Variants in PCYOX1 observed in about 807,000 individuals in gnomAD.
PCYOX1 encodes prenylcysteine oxidase 1, also known as prenylcysteine lyase.
Under a neutral mutation model 46.4 loss-of-function variants are expected in PCYOX1, and 46 were observed. The ratio of observed to expected loss-of-function variants is 0.99; its 90% CI spans 0.78 to 1.27. The LOEUF (loss-of-function observed/expected upper bound fraction) is 1.27. Among genes scored for constraint, PCYOX1 ranks in the 50% most tolerant of loss-of-function variants. The probability of loss-of-function intolerance (pLI) is 0.00; values close to 1 mark genes in which losing one functional copy is unlikely to be tolerated. For synonymous variants in PCYOX1, 220 were observed against 231.8 expected (o/e 0.95, Z 0.46); for missense variants, 658 against 628.3 (o/e 1.05, Z -0.51).
intron 3 of PCYOX1, among the ~76,000 whole-genome samples, chr2:70,267,764 CAGAGGGAGACCGTGG>C (rs1284084122): frequency 6.9e-6 from 1 of 144,424 alleles, no homozygotes; most frequent in Non-Finnish European, 1.5e-5. Context: ...GGCTCGGCAT[CAGAGGGAGACCGTGG>C]AGAGGGAGAG....
In PCYOX1 at chr2:70,279,057, C is replaced by G. The variant is rs1369995324; in HGVS notation, c.*1665C>G. ...AGGCTGCAGTGAATCATGATCATGCCACTGTACTCCAGCCTGGGCAACAGA... is the reference window on the plus strand; with the variant it reads ...AGGCTGCAGTGAATCATGATCATGCGACTGTACTCCAGCCTGGGCAACAGA... On this transcript the variant is annotated 3_prime_UTR_variant, in exon 6 of 6. Transcript: ENST00000433351. 6.6e-6 allele frequency: 1 copy of G among 151,502 alleles called. No homozygotes were observed. Among genetic ancestry groups the G allele is most frequent in the Non-Finnish European group, 1.5e-5 (1 of 67,928 alleles). 9.4% of individuals were successfully genotyped at this position (151,502 alleles called of 1,614,324 possible).
At position 70,269,663 on chromosome 2, in the gene PCYOX1, C is replaced by T. The variant is rs185131698; in HGVS notation, c.495-5296C>T. Among the ~76,000 whole-genome samples the T allele has an allele frequency of 6.7e-3, 1,022 of 152,078 alleles. 12 individuals carry two copies. The highest frequency in any genetic ancestry group is 0.022 in the African/African-American group (929 of 41,502). Reference sequence around the variant, plus strand: ...TTTTTAAAAAGTTTTTTTGGTCAGCCTCTTGTAGTCTCTATTGATGTCATA... The same window carrying T: ...TTTTTAAAAAGTTTTTTTGGTCAGCTTCTTGTAGTCTCTATTGATGTCATA... On this transcript the variant is annotated intron_variant, in intron 3 of 5. Coordinates refer to ENST00000433351, the MANE Select transcript of PCYOX1 (RefSeq NM_016297.4).
At chr2:70,275,265 C>A in intron 4 of PCYOX1, 95 bp downstream of exon 4, 1 of 1,095,656 alleles carries the variant, frequency 9.1e-7, no homozygotes, top group Non-Finnish European at 1.4e-6. Flanking sequence ...GGATTGGAGG[C>A]TACTTTTCTC....
intron 3 of PCYOX1, among the ~76,000 whole-genome samples, chr2:70,267,156 G>A (rs1453499154): frequency 4.0e-5 from 6 of 151,834 alleles, no homozygotes; most frequent in African/African-American, 4.8e-5. Flanking sequence ...AGACGGCGTC[G>A]CGGCCGGGCA....
Position 70,277,209 on chromosome 2 carries a change from C to A in PCYOX1, c.1335C>A (p.Cys445Ter). 6.2e-7 allele frequency: 1 copy of A among 1,614,020 alleles called. No homozygotes were observed. The highest frequency in any genetic ancestry group is 8.5e-7 in the Non-Finnish European group (1 of 1,179,956). Residue 445 changes from cysteine to a stop codon, truncating the protein, a stop_gained, in exon 6 of 6, where the codon TGC becomes TGA. Transcript: ENST00000433351. LOFTEE classifies it high-confidence loss of function. ...AYPHYKPPEK[C>*]PSIILHDRLY... ...CTCACTATAAGCCCCCGGAGAAATGCCCCTCTATCATTCTCCATGATCGAC... is the reference window on the plus strand; with the variant it reads ...CTCACTATAAGCCCCCGGAGAAATGACCCTCTATCATTCTCCATGATCGAC...
intron 3 of PCYOX1, among the ~76,000 whole-genome samples, chr2:70,266,157 A>G (rs184441250): frequency 6.6e-6 from 1 of 152,186 alleles, no homozygotes; most frequent in Non-Finnish European, 1.5e-5. Flanking sequence ...GACGTTGCAG[A>G]TATGGTTAAG....
intron 4 of PCYOX1, 43 bp downstream of exon 4, chr2:70,275,213 G>T: frequency 1.4e-6 from 2 of 1,450,474 alleles, no homozygotes; most frequent in South Asian, 1.1e-5. Flanking sequence ...AGTTCACAGA[G>T]GGGCTTACCT....
rs531844189 is a variant in PCYOX1, at chr2:70,261,534, G to A, written c.494+148G>A. ...ACATTGTTAGGCAAAATGTTTTGTA[G>A]AAACTATGCAGACTATTTGCTTGGA... On this transcript the variant is annotated intron_variant, in intron 3 of 5. Transcript: ENST00000433351. The A allele has an allele frequency of 6.8e-4, 417 of 615,818 alleles. 2 individuals are homozygous for A. In the African/African-American group the frequency reaches 7.4e-3, roughly 11 times the overall value. 38.1% of individuals were successfully genotyped at this position (615,818 alleles called of 1,614,324 possible). A position where few individuals can be genotyped will look rare whatever the true frequency, so the allele number is the denominator to read the frequency against.
Position 70,275,597 on chromosome 2 carries a change from G to A in PCYOX1, c.790G>A (p.Ala264Thr), listed in dbSNP as rs201051458. The change falls in exon 5 of 6, where the codon GCA becomes ACA. Residue 264 changes from alanine (A) to threonine (T), a missense_variant. Coordinates refer to ENST00000433351, the MANE Select transcript of PCYOX1 (RefSeq NM_016297.4). ...NKLVCSGLLQ[A>T]SKSNLISGSV... ...ACTTGTTTGCTCAGGGCTTCTGCAG[G>A]CATCCAAAAGCAATCTTATATCTGG... is the stretch of plus-strand genomic sequence containing the variant. The A allele has an allele frequency of 3.5e-5, 57 of 1,613,970 alleles. No individual in the cohort carries two copies. In the African/African-American group the frequency reaches 6.4e-4, roughly 18 times the overall value.
chr2:70,275,839 C>T (rs1033207259), intron 5 of PCYOX1, among the ~76,000 whole-genome samples, 173 bp downstream of exon 5: 1 of 152,058 alleles, frequency 6.6e-6, no homozygotes, highest in South Asian at 2.1e-4. Context: ...TGGCTCATGC[C>T]TGTAATCCCT....
intron 3 of PCYOX1, among the ~76,000 whole-genome samples, chr2:70,265,438 A>C (rs1242384423): frequency 6.6e-6 from 1 of 151,636 alleles, no homozygotes; most frequent in Non-Finnish European, 1.5e-5. Context: ...TGATCCTCCC[A>C]CCTTGGCCTC....
intron 3 of PCYOX1, among the ~76,000 whole-genome samples, chr2:70,267,555 A>G (rs1007764257): frequency 2.6e-5 from 4 of 152,128 alleles, no homozygotes; most frequent in Non-Finnish European, 5.9e-5. Flanking sequence ...CGGGAGGCCG[A>G]GGCTGGCAGA....
chr2:70,259,491 G>C lies in PCYOX1; in HGVS notation c.244G>C (p.Gly82Arg), dbSNP rs776561529. 2.5e-6 allele frequency: 4 copies of C among 1,614,106 alleles called. No homozygotes were observed. Among genetic ancestry groups the C allele is most frequent in the Non-Finnish European group, 3.4e-6 (4 of 1,180,014 alleles). ...GGRLATMMVQ[G>R]QEYEAGGSVI... Reference sequence around the variant, plus strand: ...CCGCCTGGCTACCATGATGGTGCAGGGGCAAGAATACGAGGCAGGAGGTTC... The same window carrying C: ...CCGCCTGGCTACCATGATGGTGCAGCGGCAAGAATACGAGGCAGGAGGTTC... Residue 82 changes from glycine to arginine, a missense_variant, in exon 2 of 6, where the codon GGG becomes CGG. Gly to Arg is a moderately radical substitution (Grantham distance 125). Coordinates refer to ENST00000433351, the MANE Select transcript of PCYOX1 (RefSeq NM_016297.4).
chr2:70,262,798 G>T (rs565398764), intron 3 of PCYOX1, among the ~76,000 whole-genome samples: 1 of 152,146 alleles, frequency 6.6e-6, no homozygotes, highest in Non-Finnish European at 1.5e-5. Flanking sequence ...TAATTTTTAT[G>T]CTGCTTTACA....
intron 3 of PCYOX1, among the ~76,000 whole-genome samples, chr2:70,269,179 G>GTTT (rs200396144): frequency 3.9e-5 from 5 of 128,282 alleles, no homozygotes; most frequent in Admixed American, 7.8e-5. Context: ...CTGTGTGTCT[G>GTTT]TTTTTTTTTT....
intron 3 of PCYOX1, among the ~76,000 whole-genome samples, chr2:70,271,909 T>TC (rs1559036622): frequency 6.6e-6 from 1 of 151,478 alleles, no homozygotes; most frequent in African/African-American, 2.4e-5. Context: ...TATTTCAAAA[T>TC]AAAAAAAAAG....
Position 70,268,130 on chromosome 2 carries a change from C to A in PCYOX1, c.494+6744C>A, listed in dbSNP as rs547936809. 9.9e-5 allele frequency among the ~76,000 whole-genome samples: 15 copies of A among 152,194 alleles called. No individual in the cohort carries two copies. The Middle Eastern group carries it at 0.017, about 173-fold the overall frequency. ...GGCCGTAAATTTGTGTTGTTTTAAG[C>A]CACTAAGTTTGTGGTAATTTGTTAT... On this transcript the variant is annotated intron_variant, in intron 3 of 5. Coordinates refer to ENST00000433351, the MANE Select transcript of PCYOX1 (RefSeq NM_016297.4).
In PCYOX1 at chr2:70,268,104, C is replaced by T. The variant is rs376136273; in HGVS notation, c.494+6718C>T. ...GATTACAGGTGTGAGCCACTGCACC[C>T]GGCCGTAAATTTGTGTTGTTTTAAG... On this transcript the variant is annotated intron_variant, in intron 3 of 5. Transcript: ENST00000433351. 7.4e-4 allele frequency among the ~76,000 whole-genome samples: 112 copies of T among 152,154 alleles called. No individual in the cohort carries two copies. In the South Asian group the frequency reaches 0.022, roughly 30 times the overall value.
Position 70,275,040 on chromosome 2 carries a change from T to G in PCYOX1, c.576T>G (p.Leu192=), listed in dbSNP as rs781516816. The G allele has an allele frequency of 2.5e-6, 4 of 1,613,656 alleles. No homozygotes were observed. The East Asian group carries it at 8.9e-5, about 36-fold the overall frequency. The stretch of plus-strand genomic sequence containing the variant: ...ATGCTCTAGGAGGAGATGACTTCCT[T>G]GGAATGCTTAATCGAACACTTCTTG... ...LLHALGGDDF[L]GMLNRTLLET... The change falls in exon 4 of 6, where the codon CTT becomes CTG. Residue 192 remains leucine, a synonymous_variant. Transcript: ENST00000433351.
Sources: allele counts gnomAD v4.1 joint callset (sites outside exome capture counted in the v4.1 genomes callset), GRCh38; gene constraint gnomAD v4.1.1; transcripts MANE v1.5; gene names NCBI Gene and HGNC (gene_info 2026-07-23, HGNC 2026-07-21).